The following KNDC1 variants were observed in gnomAD, a reference collection of about 807,000 sequenced individuals.
KNDC1 encodes kinase non-catalytic C-lobe domain containing 1.
KNDC1 carries 106 observed loss-of-function variants against 172.8 expected under a neutral mutation model. That is an observed-to-expected ratio of 0.61 (90% CI 0.52 to 0.72). The LOEUF (loss-of-function observed/expected upper bound fraction) is 0.72, where lower values mean the gene tolerates loss of function less well. Among genes scored for constraint, KNDC1 ranks in the 30% least tolerant of loss-of-function variants. The pLI is 0.00. For synonymous variants in KNDC1, 1,083 were observed against 1,062.2 expected (o/e 1.02, Z -0.38); for missense variants, 2,325 against 2,394.5 (o/e 0.97, Z 0.61).
chr10:133,193,861 G>A (rs79060879), intron 9 of KNDC1, among the ~76,000 whole-genome samples: 3,360 of 152,256 alleles, frequency 0.022, 45 homozygotes, highest in Middle Eastern at 0.034. Flanking sequence ...GGGTCAGTCC[G>A]CCCAGAAGAC....
rs186487977 is a variant in KNDC1 at position 133,170,341 on chromosome 10, G to A, written c.360+2029G>A. Among the ~76,000 whole-genome samples, 18 of 152,294 alleles carry A rather than the reference G, an allele frequency of 1.2e-4. No individual in the cohort carries two copies. The East Asian group carries it at 1.5e-3, about 13-fold the overall frequency. On this transcript the variant is annotated intron_variant, in intron 3 of 29. Transcript: ENST00000304613. The stretch of plus-strand genomic sequence containing the variant: ...TCGCTGGCTCCTGCAGGACGTGGAC[G>A]TGGCAGGGGCCTGGGATCTGGGGTC...
intron 23 of KNDC1, among the ~76,000 whole-genome samples, chr10:133,212,478 C>T (rs1272258746): frequency 6.6e-6 from 1 of 152,220 alleles, no homozygotes; most frequent in East Asian, 1.9e-4. Flanking sequence ...GAGAAATGCC[C>T]TCTCCATTAA....
In KNDC1 at chr10:133,183,346, G is replaced by T. The variant is rs748936831; in HGVS notation, c.363G>T (p.Ala121=). The T allele has an allele frequency of 6.3e-7, 1 of 1,591,466 alleles. No individual in the cohort carries two copies. Among genetic ancestry groups the T allele is most frequent in the Non-Finnish European group, 8.5e-7 (1 of 1,169,770 alleles). The change falls in exon 4 of 30, where the codon GCG becomes GCT. Residue 121 remains alanine, a splice_region_variant and synonymous_variant. Coordinates refer to ENST00000304613, the MANE Select transcript of KNDC1 (RefSeq NM_152643.8). ...EFDVTGNTFE[A]HIYSLGATLK... ...CTGACAGCCTGTCGTGCCCACAGGC[G>T]CACATCTACTCTCTGGGGGCCACGC... is the stretch of plus-strand genomic sequence containing the variant.
intron 19 of KNDC1, 35 bp from the exon 20 acceptor site, chr10:133,207,102 C>T: frequency 6.4e-7 from 1 of 1,557,652 alleles, no homozygotes; most frequent in Non-Finnish European, 8.7e-7. Flanking sequence ...GGGCGAGGGG[C>T]AGAGTGACCA....
Position 133,163,718 on chromosome 10 carries a change from G to T in KNDC1, c.102+3149G>T, listed in dbSNP as rs1422260662. On this transcript the variant is annotated intron_variant, in intron 1 of 29. Coordinates refer to ENST00000304613, the MANE Select transcript of KNDC1 (RefSeq NM_152643.8). The surrounding 1 kb of genome is among the most constrained non-coding windows in gnomAD (Gnocchi z 4.4). ...CGAAGTCTGCCTGGCAGTGTGGCGG[G>T]GGGTGTGGGAGCTTTCTGAATGCAC... Among the ~76,000 whole-genome samples, 2 of 152,170 alleles carry T rather than the reference G, an allele frequency of 1.3e-5. No homozygotes were observed. Among genetic ancestry groups the T allele is most frequent in the African/African-American group, 4.8e-5 (2 of 41,446 alleles).
chr10:133,215,331 C>T (rs758809403), intron 26 of KNDC1, among the ~76,000 whole-genome samples: 27 of 152,254 alleles, frequency 1.8e-4, no homozygotes, highest in Non-Finnish European at 1.6e-4. Flanking sequence ...GCCACCTCCA[C>T]GGTGGACAGA....
At chr10:133,220,539 G>A (rs1412427803) in intron 29 of KNDC1, among the ~76,000 whole-genome samples, 13 of 27,924 alleles carry the variant, frequency 4.7e-4, no homozygotes, top group African/African-American at 7.4e-4. Context: ...GTGAGGAGGG[G>A]CTCAGGCGGG....
rs1018425773 is a variant in KNDC1 at position 133,226,129 on chromosome 10, A to G, written c.*1239A>G. The G allele has an allele frequency of 4.6e-5, 7 of 152,208 alleles. No individual in the cohort carries two copies. Among genetic ancestry groups the G allele is most frequent in the African/African-American group, 1.4e-4 (6 of 41,450 alleles). The allele number at this position is 152,208 out of a possible 1,614,324, so 9.4% of individuals were successfully genotyped here. The stretch of plus-strand genomic sequence containing the variant: ...AAGATGTGTTTTCCCACATAAATTC[A>G]CCGGAGACATCCGGGCCCCGCTTCG... On this transcript the variant is annotated 3_prime_UTR_variant, in exon 30 of 30. Coordinates refer to ENST00000304613, the MANE Select transcript of KNDC1 (RefSeq NM_152643.8).
intron 29 of KNDC1, among the ~76,000 whole-genome samples, chr10:133,222,343 ACTTGCTCTCCACAG>A (rs1382104016): frequency 6.6e-6 from 1 of 151,944 alleles, no homozygotes; most frequent in Non-Finnish European, 1.5e-5. Flanking sequence ...CAAGAGTGGC[ACTTGCTCTCCACAG>A]CGTCCACGTG....
chr10:133,167,833 C>T lies in KNDC1; in HGVS notation c.301+254C>T, dbSNP rs73386667. ...AGGGACACTCGGCCCGCCCTGAGCC[C>T]CCTCCGCTCAGGACTTCCCCTAAGG... On this transcript the variant is annotated intron_variant, in intron 2 of 29. Coordinates refer to ENST00000304613, the MANE Select transcript of KNDC1 (RefSeq NM_152643.8). Among the ~76,000 whole-genome samples, 1,256 of 152,290 alleles carry T rather than the reference C, an allele frequency of 8.2e-3. 22 individuals carry two copies. Among genetic ancestry groups the T allele is most frequent in the African/African-American group, 0.028 (1,175 of 41,566 alleles).
At chr10:133,166,451 G>A (rs959776834) in intron 1 of KNDC1, among the ~76,000 whole-genome samples, 64 of 152,064 alleles carry the variant, frequency 4.2e-4, no homozygotes, top group Non-Finnish European at 8.1e-4. Flanking sequence ...GGGTGTGTGC[G>A]GGTGTGCATG....
Position 133,183,921 on chromosome 10 carries a change from G to A in KNDC1, c.557G>A (p.Arg186His), listed in dbSNP as rs763861007. The change falls in exon 5 of 30, where the codon CGC (arginine) becomes CAC (histidine). Residue 186 changes from arginine (R) to histidine (H), a missense_variant. By Grantham distance (29) the Arg-to-His change is conservative. Coordinates refer to ENST00000304613, the MANE Select transcript of KNDC1 (RefSeq NM_152643.8). Reference sequence around the variant, plus strand: ...AAGCTGCAGCTCACATCCTCCTGTCGCGTGTGCCGGAGCCTCTCTGCTGTG... The same window carrying A: ...AAGCTGCAGCTCACATCCTCCTGTCACGTGTGCCGGAGCCTCTCTGCTGTG... ...EEKLQLTSSCRVCRSLSAVGR... is the reference protein window; with the variant it reads ...EEKLQLTSSCHVCRSLSAVGR... 5.0e-6 allele frequency: 8 copies of A among 1,604,126 alleles called. No homozygotes were observed. Among genetic ancestry groups the A allele is most frequent in the South Asian group, 3.3e-5 (3 of 90,536 alleles).
chr10:133,186,965 C>T (rs890370875), intron 6 of KNDC1, among the ~76,000 whole-genome samples: 1 of 152,122 alleles, frequency 6.6e-6, no homozygotes, highest in African/African-American at 2.4e-5. Context: ...CCCGCACGGC[C>T]GTCCCGAGGG....
At chr10:133,215,663 G>A (rs1468370889) in intron 26 of KNDC1, among the ~76,000 whole-genome samples, 3 of 152,240 alleles carry the variant, frequency 2.0e-5, no homozygotes, top group South Asian at 2.1e-4. Flanking sequence ...AACCCACATC[G>A]TCCTGGGCGC....
chr10:133,164,119 T>C (rs1214290368), intron 1 of KNDC1: 1 of 104,976 alleles, frequency 9.5e-6, no homozygotes, highest in East Asian at 6.4e-4. Context: ...TCCTCCCACC[T>C]GGGTTGGGGG....
chr10:133,194,461 G>A (rs188602461), intron 9 of KNDC1, among the ~76,000 whole-genome samples: 29 of 152,330 alleles, frequency 1.9e-4, no homozygotes, highest in Admixed American at 1.8e-3. Context: ...AGCTGCTACT[G>A]TTGTGGAAAC....
chr10:133,210,645 C>G lies in KNDC1; in HGVS notation c.3829C>G (p.Leu1277Val). The stretch of plus-strand genomic sequence containing the variant: ...CCTGGAGGGTTATGTGCAGCAATTC[C>G]TCTACACCTTCCGCTACTTCTGCAC... ...AFLEGYVQQF[L>V]YTFRYFCTPH... Residue 1277 changes from leucine (L) to valine (V), a missense_variant, in exon 21 of 30, where the codon CTC becomes GTC. Coordinates refer to ENST00000304613, the MANE Select transcript of KNDC1 (RefSeq NM_152643.8). 1 of 1,614,004 alleles carries G rather than the reference C, an allele frequency of 6.2e-7. No individual in the cohort carries two copies. Among genetic ancestry groups the G allele is most frequent in the Non-Finnish European group, 8.5e-7 (1 of 1,179,922 alleles).
intron 1 of KNDC1, among the ~76,000 whole-genome samples, chr10:133,161,133 A>G (rs1351384453): frequency 2.0e-5 from 3 of 152,084 alleles, no homozygotes; most frequent in Non-Finnish European, 4.4e-5. Context: ...GCTTCTGCTC[A>G]TGGACCGCCC....
chr10:133,168,627 C>T (rs542766923), intron 3 of KNDC1, among the ~76,000 whole-genome samples: 1 of 152,338 alleles, frequency 6.6e-6, no homozygotes, highest in African/African-American at 2.4e-5. Context: ...CATTTTATAG[C>T]AGGTTTTCTG....
Sources: gnomAD v4.1 joint callset for allele counts (sites outside exome capture counted in the v4.1 genomes callset) on GRCh38, gnomAD v4.1.1 for gene constraint, Gnocchi (gnomAD v3.1) non-coding constraint, MANE v1.5 for transcripts, NCBI Gene and HGNC (gene_info 2026-07-23, HGNC 2026-07-21) for gene names.